The following STXBP3 variants were observed in gnomAD, a reference collection of about 807,000 sequenced individuals.
STXBP3 encodes the protein syntaxin binding protein 3.
A neutral mutation model predicts 85.7 loss-of-function variants in STXBP3; 41 were observed. The observed-to-expected ratio is 0.48, with a 90% CI of 0.37 to 0.62. The LOEUF (loss-of-function observed/expected upper bound fraction) is 0.62. Among genes scored for constraint, STXBP3 ranks in the 20% least tolerant of loss-of-function variants. The pLI, the probability that STXBP3 is intolerant of heterozygous loss-of-function variation, is 0.00. For missense variants in STXBP3, 563 were observed against 703.1 expected, an observed-to-expected ratio of 0.80 and a Z score of 2.25; for synonymous variants, 229 against 231.7, an observed-to-expected ratio of 0.99 and a Z score of 0.10.
intron 6 of STXBP3, chr1:108,767,171 G>A: frequency 3.6e-6 from 1 of 280,340 alleles, no homozygotes; most frequent in Non-Finnish European, 7.0e-6. Context: ...CTCCCTCTGG[G>A]TCTGTCTGAC....
At chr1:108,790,165 G>A (rs1662946845) in intron 11 of STXBP3, among the ~76,000 whole-genome samples, 1 of 151,958 alleles carries the variant, frequency 6.6e-6, no homozygotes, top group Non-Finnish European at 1.5e-5. Context: ...TCAGTTACTA[G>A]AAGTGGTATA....
intron 3 of STXBP3, among the ~76,000 whole-genome samples, chr1:108,756,355 G>A (rs1662017316): frequency 6.6e-6 from 1 of 151,976 alleles, no homozygotes; most frequent in Non-Finnish European, 1.5e-5. Context: ...ACTTCTTTAA[G>A]CTTCAGTTTC....
At chr1:108,746,835 C>G (rs1320180219) in intron 1 of STXBP3, 49 bp downstream of exon 1, 5 of 1,533,742 alleles carry the variant, frequency 3.3e-6, no homozygotes, top group Admixed American at 4.0e-5. Flanking sequence ...GGGAGGCTGC[C>G]GTGCCGGGCC....
At chr1:108,781,847 T>A (rs1662719331) in intron 9 of STXBP3, 2 of 152,336 alleles carry the variant, frequency 1.3e-5, no homozygotes, top group Admixed American at 1.3e-4. Context: ...TAACTGGGAT[T>A]ACAGGTGTGT....
chr1:108,807,277 A>G, intron 17 of STXBP3, 124 bp from the exon 18 acceptor site: 1 of 1,034,166 alleles, frequency 9.7e-7, no homozygotes, highest in Non-Finnish European at 1.3e-6. Context: ...AAAAAAAAAA[A>G]AAAATCAATG....
intron 1 of STXBP3, among the ~76,000 whole-genome samples, chr1:108,749,454 C>T (rs1445087372): frequency 1.3e-5 from 2 of 152,162 alleles, no homozygotes; most frequent in African/African-American, 4.8e-5. Flanking sequence ...AGACCAGCCA[C>T]AGGAGCAAAT....
intron 6 of STXBP3, chr1:108,767,068 A>G (rs984211283): frequency 8.2e-6 from 3 of 365,490 alleles, no homozygotes; most frequent in Non-Finnish European, 1.6e-5. Context: ...AGATTGCAGC[A>G]TTAATAAAAT....
At chr1:108,800,859 T>C (rs542069102) in intron 17 of STXBP3, among the ~76,000 whole-genome samples, 1 of 152,354 alleles carries the variant, frequency 6.6e-6, no homozygotes, top group East Asian at 1.9e-4. Flanking sequence ...CTGTGTTGTG[T>C]CTAGGTATAG....
At chr1:108,784,775 C>G (rs997136252) in intron 11 of STXBP3, among the ~76,000 whole-genome samples, 1 of 152,168 alleles carries the variant, frequency 6.6e-6, no homozygotes, top group African/African-American at 2.4e-5. Flanking sequence ...TTCCTAGATA[C>G]AATGGAGGTA....
Position 108,800,284 on chromosome 1 carries a change from G to A in STXBP3, c.1514G>A (p.Trp505Ter). Residue 505 changes from tryptophan (W) to a stop codon, truncating the protein, a stop_gained, in exon 17 of 19, where the codon TGG becomes TAG. Transcript: ENST00000370008. LOFTEE classifies it high-confidence loss of function. ...TATTGTTCCCAGTGTCCAGCAGTAT[G>A]GAATGGTTCAGGAGCTGTAAGGTAA... is the stretch of plus-strand genomic sequence containing the variant. ...WPYCSQCPAV[W>*]NGSGAVSARQ... The A allele has an allele frequency of 6.2e-7, 1 of 1,611,696 alleles. No individual in the cohort carries two copies. Among genetic ancestry groups the A allele is most frequent in the Non-Finnish European group, 8.5e-7 (1 of 1,178,020 alleles).
intron 6 of STXBP3, among the ~76,000 whole-genome samples, chr1:108,762,639 T>C (rs1662164762): frequency 6.6e-6 from 1 of 152,174 alleles, no homozygotes; most frequent in African/African-American, 2.4e-5. Context: ...GAATGTGATA[T>C]TATATTATTC....
intron 6 of STXBP3, among the ~76,000 whole-genome samples, chr1:108,765,522 C>G (rs763731650): frequency 3.6e-4 from 54 of 151,108 alleles, no homozygotes; most frequent in Non-Finnish European, 7.1e-4. Flanking sequence ...GCTACAAGCT[C>G]ACTGTGCAAA....
intron 6 of STXBP3, among the ~76,000 whole-genome samples, chr1:108,762,764 C>T (rs892619923): frequency 6.6e-6 from 1 of 152,086 alleles, no homozygotes; most frequent in African/African-American, 2.4e-5. Flanking sequence ...GAACCTTCAC[C>T]CGTAGTATAA....
At chr1:108,779,669 AAC>A (rs1662673387) in intron 9 of STXBP3, 2 of 263,932 alleles carry the variant, frequency 7.6e-6, no homozygotes, top group South Asian at 3.2e-4. Context: ...GCTACATTTA[AAC>A]ACAGGGAATT....
At chr1:108,767,163 C>A (rs1351837227) in intron 6 of STXBP3, 1 of 283,764 alleles carries the variant, frequency 3.5e-6, no homozygotes, top group South Asian at 3.4e-5. Flanking sequence ...CTCATCTTCT[C>A]CCTCTGGGTC....
intron 17 of STXBP3, among the ~76,000 whole-genome samples, chr1:108,805,282 G>A (rs1570777521): frequency 2.0e-5 from 3 of 152,298 alleles, no homozygotes; most frequent in Admixed American, 2.0e-4. Context: ...GGGAACAAGA[G>A]TGGGTCTTGT....
At chr1:108,796,783 G>T in intron 15 of STXBP3, 57 bp downstream of exon 15, 3 of 1,290,808 alleles carry the variant, frequency 2.3e-6, no homozygotes, top group South Asian at 1.6e-5. Context: ...ATGGTTGTAT[G>T]TATTAACTGT....
chr1:108,758,076 T>C (rs1024780934), intron 4 of STXBP3, among the ~76,000 whole-genome samples: 3 of 152,074 alleles, frequency 2.0e-5, no homozygotes, highest in African/African-American at 7.2e-5. Context: ...TCTCACTCAC[T>C]GTGTCTCACT....
In STXBP3 at chr1:108,793,692, A is replaced by G. The variant is rs764576954; in HGVS notation, c.1029+45A>G. ...AGATACCTGATTAGTTTTAGTTTAT[A>G]TTCAGTTTATATTCAGTTCTGTAGT... On this transcript the variant is annotated intron_variant, in intron 12 of 18. Coordinates refer to ENST00000370008, the MANE Select transcript of STXBP3 (RefSeq NM_007269.4). The G allele has an allele frequency of 9.9e-6, 15 of 1,511,488 alleles. No homozygotes were observed. In the African/African-American group the frequency reaches 2.1e-4, roughly 21 times the overall value. The allele number at this position is 1,511,488 out of a possible 1,614,324, so 93.6% of individuals were successfully genotyped here.
Sources: gnomAD v4.1 joint callset for allele counts (sites outside exome capture counted in the v4.1 genomes callset) on GRCh38, gnomAD v4.1.1 for gene constraint, MANE v1.5 for transcripts, NCBI Gene and HGNC (gene_info 2026-07-23, HGNC 2026-07-21) for gene names.